Variants in CNTNAP2 observed in about 807,000 individuals in gnomAD.
CNTNAP2 encodes the protein contactin associated protein 2, also known as contactin-associated protein-like 2.
CNTNAP2 carries 98 observed loss-of-function variants against 155.2 expected under a neutral mutation model. The observed-to-expected ratio is 0.63, with a 90% confidence interval of 0.54 to 0.75. CNTNAP2 has a LOEUF of 0.75. Among genes scored for constraint, CNTNAP2 ranks in the 30% least tolerant of loss-of-function variants. The pLI is 0.00. For missense variants in CNTNAP2, 1,727 were observed against 1,688.1 expected (o/e 1.02, Z -0.40); for synonymous variants, 651 against 631.2 (o/e 1.03, Z -0.47).
chr7:148,298,909 T>C (rs994387952), intron 21 of CNTNAP2, among the ~76,000 whole-genome samples: 5 of 151,998 alleles, frequency 3.3e-5, no homozygotes, highest in Admixed American at 3.3e-4. Context: ...AAGTTGTCTA[T>C]GGCTGGTCTC....
Position 146,876,419 on chromosome 7 carries a change from C to G in CNTNAP2, c.402+36515C>G, listed in dbSNP as rs1437635990. On this transcript the variant is annotated intron_variant, in intron 3 of 23. Transcript: ENST00000361727. ...TCCTCCGTAAAGAAAGCATATTGTT[C>G]ATATCATTGTGATTATGATTTCAGC... 2.0e-5 allele frequency among the ~76,000 whole-genome samples: 3 copies of G among 152,052 alleles called. No homozygotes were observed. The East Asian group carries it at 5.8e-4, about 29-fold the overall frequency.
intron 9 of CNTNAP2, among the ~76,000 whole-genome samples, chr7:147,395,208 G>A (rs1307055484): frequency 2.6e-5 from 4 of 151,930 alleles, no homozygotes; most frequent in African/African-American, 9.7e-5. Flanking sequence ...AAAGAAACAA[G>A]AAGAAGAAAG....
intron 1 of CNTNAP2, among the ~76,000 whole-genome samples, chr7:146,679,418 C>T (rs528429948): frequency 1.9e-4 from 27 of 142,184 alleles, no homozygotes; most frequent in African/African-American, 5.4e-4. Context: ...TGCAGTGGCT[C>T]GATCTCGGCT....
At chr7:146,926,610 G>T (rs1173543343) in intron 3 of CNTNAP2, among the ~76,000 whole-genome samples, 1 of 152,046 alleles carries the variant, frequency 6.6e-6, no homozygotes, top group Non-Finnish European at 1.5e-5. Context: ...CCAGGCTTGT[G>T]ATCTCTGAAA....
intron 21 of CNTNAP2, among the ~76,000 whole-genome samples, chr7:148,270,167 C>T (rs969871774): frequency 1.3e-5 from 2 of 152,066 alleles, no homozygotes; most frequent in African/African-American, 4.8e-5. Flanking sequence ...CCTTCAAGGT[C>T]GTGAACAAAT....
chr7:146,209,758 A>T (rs1000737203), intron 1 of CNTNAP2, among the ~76,000 whole-genome samples: 1 of 152,228 alleles, frequency 6.6e-6, no homozygotes, highest in African/African-American at 2.4e-5. Context: ...AATTAATTCA[A>T]ACTGATTTTA....
intron 3 of CNTNAP2, among the ~76,000 whole-genome samples, chr7:146,933,674 T>G (rs1256527527): frequency 3.4e-5 from 5 of 149,122 alleles, no homozygotes; most frequent in Non-Finnish European, 6.0e-5. Flanking sequence ...GGAGAAAATT[T>G]TCGCAACCTA....
chr7:148,160,387 G>C (rs1377520160), intron 17 of CNTNAP2, among the ~76,000 whole-genome samples: 1 of 151,408 alleles, frequency 6.6e-6, no homozygotes, highest in African/African-American at 2.4e-5. Flanking sequence ...CTACAGCCTG[G>C]GGACAGAGCG....
chr7:148,250,453 C>A (rs996118775), intron 20 of CNTNAP2, among the ~76,000 whole-genome samples: 2 of 152,202 alleles, frequency 1.3e-5, no homozygotes, highest in South Asian at 2.1e-4. Context: ...GTTCAAGGCA[C>A]CTTATGGGCA....
rs148081690 is a variant in CNTNAP2 at position 147,668,259 on chromosome 7, G to A, written c.2098+28953G>A. 1.8e-3 allele frequency among the ~76,000 whole-genome samples: 267 copies of A among 152,248 alleles called. 2 individuals carry two copies. The highest frequency in any genetic ancestry group is 6.0e-3 in the African/African-American group (250 of 41,538). ...AACTCCTTAAAAAGTTTAAAAACGT[G>A]GACCCCAAAACTGAATGGTTCGTTC... On this transcript the variant is annotated intron_variant, in intron 13 of 23. Transcript: ENST00000361727.
intron 2 of CNTNAP2, among the ~76,000 whole-genome samples, chr7:146,795,699 AG>A (rs1354447155): frequency 3.3e-5 from 5 of 152,188 alleles, no homozygotes; most frequent in African/African-American, 1.2e-4. Flanking sequence ...TGGCAGCCTG[AG>A]GGTTGTCCGC....
intron 1 of CNTNAP2, among the ~76,000 whole-genome samples, chr7:146,634,727 G>A (rs1799569538): frequency 6.6e-6 from 1 of 152,142 alleles, no homozygotes; most frequent in South Asian, 2.1e-4. Flanking sequence ...AAGCAAACAA[G>A]ATGAGTCTAA....
intron 9 of CNTNAP2, among the ~76,000 whole-genome samples, 164 bp downstream of exon 9, chr7:147,300,454 A>C (rs530663734): frequency 6.6e-6 from 1 of 152,204 alleles, no homozygotes; most frequent in African/African-American, 2.4e-5. Context: ...AAAAGGAAAA[A>C]TTTTATTTCT....
rs184829359 is a variant in CNTNAP2, at chr7:147,588,309, C to G, written c.1897+26052C>G. Among the ~76,000 whole-genome samples, 8 of 152,202 alleles carry G rather than the reference C, an allele frequency of 5.3e-5. No homozygotes were observed. The East Asian group carries it at 1.5e-3, about 29-fold the overall frequency. ...AGATGATCCCAGGAGAAGATGGGATCATCTCATCCAAGAAAAGATGATCAG... is the reference window on the plus strand; with the variant it reads ...AGATGATCCCAGGAGAAGATGGGATGATCTCATCCAAGAAAAGATGATCAG... On this transcript the variant is annotated intron_variant, in intron 12 of 23. Transcript: ENST00000361727.
At position 147,011,991 on chromosome 7, in the gene CNTNAP2, T is replaced by C. The variant is rs534855341; in HGVS notation, c.403-31916T>C. On this transcript the variant is annotated intron_variant, in intron 3 of 23. Transcript: ENST00000361727. Reference sequence around the variant, plus strand: ...GTTCTGCATGCCTGTCCATTCTTCATTGAACCTAAGCATAAAAATGGATAC... The same window carrying C: ...GTTCTGCATGCCTGTCCATTCTTCACTGAACCTAAGCATAAAAATGGATAC... Among the ~76,000 whole-genome samples, 5 of 152,332 alleles carry C rather than the reference T, an allele frequency of 3.3e-5. No individual in the cohort carries two copies. The South Asian group carries it at 6.2e-4, about 19-fold the overall frequency.
intron 1 of CNTNAP2, among the ~76,000 whole-genome samples, chr7:146,141,447 T>C (rs1402678323): frequency 6.6e-6 from 1 of 152,198 alleles, no homozygotes; most frequent in Non-Finnish European, 1.5e-5. Context: ...TAGCCATTTG[T>C]TACTTGGTTG....
intron 20 of CNTNAP2, among the ~76,000 whole-genome samples, chr7:148,232,164 C>G (rs1795974270): frequency 6.6e-6 from 1 of 152,154 alleles, no homozygotes; most frequent in Non-Finnish European, 1.5e-5. Flanking sequence ...CTGCCCACCA[C>G]TGAGGGCAAA....
intron 1 of CNTNAP2, among the ~76,000 whole-genome samples, chr7:146,347,172 G>A (rs1254276358): frequency 1.3e-5 from 2 of 148,848 alleles, no homozygotes; most frequent in East Asian, 3.9e-4. Flanking sequence ...CCCTGCCTGT[G>A]CCATTTGGCA....
intron 21 of CNTNAP2, among the ~76,000 whole-genome samples, chr7:148,285,634 G>T (rs1033187774): frequency 1.3e-5 from 2 of 152,262 alleles, no homozygotes; most frequent in Non-Finnish European, 2.9e-5. Flanking sequence ...ATCTGCACTT[G>T]ACATGTGAGG....
Sources: allele counts gnomAD v4.1 joint callset (sites outside exome capture counted in the v4.1 genomes callset), GRCh38; gene constraint gnomAD v4.1.1; transcripts MANE v1.5; gene names NCBI Gene and HGNC (gene_info 2026-07-23, HGNC 2026-07-21).